Variants in SHISA6 observed in about 807,000 individuals in gnomAD.
SHISA6 encodes the protein shisa family member 6, also known as protein shisa-6.
A neutral mutation model predicts 47.9 loss-of-function variants in SHISA6; 22 were observed. The ratio of observed to expected loss-of-function variants is 0.46; its 90% CI spans 0.33 to 0.66. SHISA6 has a LOEUF of 0.66. Among genes scored for constraint, SHISA6 ranks in the 30% least tolerant of loss-of-function variants. The probability of loss-of-function intolerance (pLI) is 0.02; values close to 1 mark genes in which losing one functional copy is unlikely to be tolerated. For synonymous variants in SHISA6, 388 were observed against 337.8 expected, an observed-to-expected ratio of 1.15 and a Z score of -1.63; for missense variants, 680 against 764.6, an observed-to-expected ratio of 0.89 and a Z score of 1.30.
chr17:11,243,826 C>T (rs182716824), intron 1 of SHISA6, among the ~76,000 whole-genome samples: 119 of 152,260 alleles, frequency 7.8e-4, no homozygotes, highest in African/African-American at 2.7e-3. Flanking sequence ...GCCGCTTGCT[C>T]GTTGATTCCT....
At chr17:11,511,227 T>G (rs546533367) in intron 3 of SHISA6, among the ~76,000 whole-genome samples, 69 of 151,526 alleles carry the variant, frequency 4.6e-4, no homozygotes, top group Non-Finnish European at 9.3e-4. Flanking sequence ...TAAGTGGGAG[T>G]TGAACGATGA....
At chr17:11,388,853 TAAAA>T (rs536099984) in intron 3 of SHISA6, among the ~76,000 whole-genome samples, 1 of 82,384 alleles carries the variant, frequency 1.2e-5, no homozygotes, top group East Asian at 3.5e-4. Context: ...TTAAAAAAGG[TAAAA>T]AAAAAAAACC....
At chr17:11,395,437 ATTTCT>A (rs746083687) in intron 3 of SHISA6, among the ~76,000 whole-genome samples, 35 of 143,556 alleles carry the variant, frequency 2.4e-4, no homozygotes, top group Admixed American at 1.2e-3. Flanking sequence ...TACCTTACTG[ATTTCT>A]TTTATTGCTT....
chr17:11,476,769 C>T (rs1008517944), intron 3 of SHISA6, among the ~76,000 whole-genome samples: 1 of 152,028 alleles, frequency 6.6e-6, no homozygotes, highest in African/African-American at 2.4e-5. Flanking sequence ...GATGCAATTA[C>T]ATTCATTTAA....
At chr17:11,555,500 T>G (rs369971553) in intron 4 of SHISA6, among the ~76,000 whole-genome samples, 2 of 151,250 alleles carry the variant, frequency 1.3e-5, no homozygotes, top group South Asian at 2.1e-4. Context: ...GACTCAAGAG[T>G]CGAGTCTCCC....
intron 3 of SHISA6, among the ~76,000 whole-genome samples, chr17:11,481,354 G>GTATA (rs1362266634): frequency 1.2e-3 from 135 of 114,096 alleles, no homozygotes; most frequent in African/African-American, 4.8e-3. Context: ...GTGTGTGTGT[G>GTATA]TGTGTGTGTG....
At chr17:11,501,081 G>A (rs1294816376) in intron 3 of SHISA6, among the ~76,000 whole-genome samples, 1 of 142,718 alleles carries the variant, frequency 7.0e-6, no homozygotes, top group Non-Finnish European at 1.5e-5. Flanking sequence ...CAGAGGCCAG[G>A]TGCTTAATTA....
At chr17:11,378,694 A>G (rs919978043) in intron 2 of SHISA6, among the ~76,000 whole-genome samples, 2 of 152,146 alleles carry the variant, frequency 1.3e-5, no homozygotes, top group African/African-American at 2.4e-5. Context: ...CCTCCCCACA[A>G]AACCACAGGT....
intron 3 of SHISA6, among the ~76,000 whole-genome samples, chr17:11,421,558 C>T (rs181884443): frequency 3.9e-5 from 6 of 152,252 alleles, no homozygotes; most frequent in East Asian, 1.9e-4. Flanking sequence ...ATATCCAGCA[C>T]GAAGACATGA....
intron 3 of SHISA6, among the ~76,000 whole-genome samples, chr17:11,454,176 A>G (rs1419769921): frequency 6.6e-6 from 1 of 151,754 alleles, no homozygotes; most frequent in African/African-American, 2.4e-5. Flanking sequence ...GTCTCTTCCT[A>G]CTCCCCATAT....
chr17:11,381,569 A>T (rs1271985450), intron 3 of SHISA6, among the ~76,000 whole-genome samples: 1 of 152,226 alleles, frequency 6.6e-6, no homozygotes, highest in Non-Finnish European at 1.5e-5. Flanking sequence ...GTCTGAGTAC[A>T]GCAGGATAAA....
At chr17:11,335,983 G>A (rs1911306175) in intron 2 of SHISA6, among the ~76,000 whole-genome samples, 1 of 151,936 alleles carries the variant, frequency 6.6e-6, no homozygotes, top group Non-Finnish European at 1.5e-5. Flanking sequence ...GATTGTTTGA[G>A]GTCAGGAGTT....
intron 2 of SHISA6, among the ~76,000 whole-genome samples, chr17:11,271,983 C>G (rs1597432858): frequency 6.6e-6 from 1 of 152,060 alleles, no homozygotes; most frequent in African/African-American, 2.4e-5. Flanking sequence ...CTCTTCCTGT[C>G]TCTTCTCTCC....
At chr17:11,497,551 A>G (rs1355015750) in intron 3 of SHISA6, among the ~76,000 whole-genome samples, 1 of 152,144 alleles carries the variant, frequency 6.6e-6, no homozygotes, top group African/African-American at 2.4e-5. Flanking sequence ...ATGTTCTTGA[A>G]CACAGCAATG....
chr17:11,519,365 G>T (rs2071610327), intron 3 of SHISA6, among the ~76,000 whole-genome samples: 1 of 152,198 alleles, frequency 6.6e-6, no homozygotes. Flanking sequence ...AGGACATTAT[G>T]CTGAATGAAA....
chr17:11,440,865 TACAGTTCC>T (rs1325848193), intron 3 of SHISA6, among the ~76,000 whole-genome samples: 1 of 151,816 alleles, frequency 6.6e-6, no homozygotes, highest in Non-Finnish European at 1.5e-5. Context: ...ATGCTCTTCT[TACAGTTCC>T]ATTGAGAGAT....
At chr17:11,405,553 C>T (rs1297912383) in intron 3 of SHISA6, among the ~76,000 whole-genome samples, 1 of 152,134 alleles carries the variant, frequency 6.6e-6, no homozygotes, top group African/African-American at 2.4e-5. Context: ...CCTGTGATCC[C>T]AGCACTTTGG....
chr17:11,339,826 C>T (rs1911463466), intron 2 of SHISA6, among the ~76,000 whole-genome samples: 1 of 152,134 alleles, frequency 6.6e-6, no homozygotes. Context: ...TAGTGTGGAC[C>T]TGCGACCCAG....
intron 1 of SHISA6, among the ~76,000 whole-genome samples, chr17:11,244,958 C>T (rs910176057): frequency 6.6e-6 from 1 of 152,002 alleles, no homozygotes; most frequent in Non-Finnish European, 1.5e-5. Flanking sequence ...TCTGCATCTG[C>T]CTTAGTGCTC....
Sources: allele counts gnomAD v4.1 joint callset (sites outside exome capture counted in the v4.1 genomes callset), GRCh38; gene constraint gnomAD v4.1.1; transcripts MANE v1.5; gene names NCBI Gene and HGNC (gene_info 2026-07-23, HGNC 2026-07-21).